The following CTBS variants were observed in gnomAD, a reference collection of about 807,000 sequenced individuals.
CTBS encodes the protein di-N-acetylchitobiase.
A neutral mutation model predicts 44.3 loss-of-function variants in CTBS; 35 were observed. That is an observed-to-expected ratio of 0.79 (90% CI 0.60 to 1.05). CTBS has a LOEUF of 1.05. Among genes scored for constraint, CTBS ranks in the 50% least tolerant of loss-of-function variants. The probability of loss-of-function intolerance (pLI) is 0.00; values close to 1 mark genes in which losing one functional copy is unlikely to be tolerated. For missense variants in CTBS, 458 were observed against 475.3 expected, an observed-to-expected ratio of 0.96 and a Z score of 0.34; for synonymous variants, 143 against 168.0, an observed-to-expected ratio of 0.85 and a Z score of 1.15.
In CTBS at chr1:84,553,099, T is replaced by A. The variant is rs989668246; in HGVS notation, c.*1900A>T. 4.6e-6 allele frequency: 7 copies of A among 1,505,844 alleles called. No homozygotes were observed. The African/African-American group carries it at 5.6e-5, about 12-fold the overall frequency. 93.3% of individuals were successfully genotyped at this position (1,505,844 alleles called of 1,614,324 possible). On this transcript the variant is annotated 3_prime_UTR_variant, in exon 7 of 7. Coordinates refer to ENST00000370630, the MANE Select transcript of CTBS (RefSeq NM_004388.3). ...ACTGAACTGGCACAGAAAAAAAAAA[T>A]AATACATCTCTACAATCTCAATTAG... is the stretch of plus-strand genomic sequence containing the variant.
At chr1:84,558,853 ATTG>A (rs1684528549) in intron 6 of CTBS, among the ~76,000 whole-genome samples, 1 of 152,032 alleles carries the variant, frequency 6.6e-6, no homozygotes, top group Admixed American at 6.6e-5. Context: ...GTGAGCCATG[ATTG>A]TGCCACTGCA....
rs1570471799 is a variant in CTBS at position 84,563,619 on chromosome 1, T to A, written c.795+116A>T. On this transcript the variant is annotated intron_variant, in intron 5 of 6. Transcript: ENST00000370630. Reference sequence around the variant, plus strand: ...TTTCATAGAAGTAAAAATAAATAATTTTTATCTCAAACTATATTTCAGAGA... The same window carrying A: ...TTTCATAGAAGTAAAAATAAATAATATTTATCTCAAACTATATTTCAGAGA... The A allele has an allele frequency of 1.0e-5, 7 of 695,344 alleles. No homozygotes were observed. In the East Asian group the frequency reaches 2.3e-4, roughly 23 times the overall value. The allele number at this position is 695,344 out of a possible 1,614,324, so 43.1% of individuals were successfully genotyped here.
In CTBS at chr1:84,551,887, C is replaced by T. The variant is rs1377452886; in HGVS notation, c.*3112G>A. On this transcript the variant is annotated 3_prime_UTR_variant, in exon 7 of 7. Coordinates refer to ENST00000370630, the MANE Select transcript of CTBS (RefSeq NM_004388.3). The stretch of plus-strand genomic sequence containing the variant: ...GCCCCCAGAGGCTTGGATTATGACT[C>T]CCCTCATGCTGTTTTCTTCTGGAAA... The T allele has an allele frequency of 6.6e-6, 1 of 152,028 alleles. No individual in the cohort carries two copies. Among genetic ancestry groups the T allele is most frequent in the Admixed American group, 6.6e-5 (1 of 15,238 alleles). 9.4% of individuals were successfully genotyped at this position (152,028 alleles called of 1,614,324 possible).
At chr1:84,561,487 T>C (rs1684593301) in intron 6 of CTBS, among the ~76,000 whole-genome samples, 1 of 152,238 alleles carries the variant, frequency 6.6e-6, no homozygotes, top group Admixed American at 6.5e-5. Context: ...GCAAAGGATT[T>C]AGAATATTCT....
intron 4 of CTBS, 114 bp downstream of exon 4, chr1:84,565,727 C>A (rs1290311532): frequency 7.8e-6 from 4 of 510,288 alleles, no homozygotes; most frequent in Non-Finnish European, 1.2e-5. Context: ...TTGAAGCAAG[C>A]CTTACAATTG....
chr1:84,560,167 C>T (rs972240545), intron 6 of CTBS, among the ~76,000 whole-genome samples: 6 of 151,630 alleles, frequency 4.0e-5, no homozygotes, highest in Non-Finnish European at 7.4e-5. Flanking sequence ...TAGAATCCCT[C>T]TTCCCTAAAA....
At chr1:84,569,680 C>A (rs1221202727) in intron 3 of CTBS, among the ~76,000 whole-genome samples, 1 of 152,178 alleles carries the variant, frequency 6.6e-6, no homozygotes, top group Non-Finnish European at 1.5e-5. Context: ...CCTAACACTT[C>A]TAACTGTGCT....
In CTBS at chr1:84,552,879, C is replaced by T. The variant is rs1006102677; in HGVS notation, c.*2120G>A. 2 of 572,626 alleles carry T rather than the reference C, an allele frequency of 3.5e-6. No individual in the cohort carries two copies. Among genetic ancestry groups the T allele is most frequent in the African/African-American group, 3.9e-5 (2 of 51,812 alleles). The allele number at this position is 572,626 out of a possible 1,614,324, so 35.5% of individuals were successfully genotyped here. On this transcript the variant is annotated 3_prime_UTR_variant, in exon 7 of 7. Coordinates refer to ENST00000370630, the MANE Select transcript of CTBS (RefSeq NM_004388.3). ...TATTAAACAGCATTCATAATCTACA[C>T]ATTTACTGTAGTAATCCAGTGGGAG...
intron 6 of CTBS, among the ~76,000 whole-genome samples, chr1:84,562,604 G>C (rs1406291987): frequency 6.6e-6 from 1 of 152,110 alleles, no homozygotes; most frequent in Non-Finnish European, 1.5e-5. Context: ...AGCTGTGGAA[G>C]AGCCTTTATA....
intron 6 of CTBS, among the ~76,000 whole-genome samples, chr1:84,557,555 A>G (rs997353429): frequency 9.9e-5 from 9 of 90,836 alleles, no homozygotes; most frequent in African/African-American, 8.2e-4. Context: ...AAAAAAAAAG[A>G]AAAAAAAAAA....
At chr1:84,557,300 A>G (rs919761768) in intron 6 of CTBS, among the ~76,000 whole-genome samples, 2 of 152,194 alleles carry the variant, frequency 1.3e-5, no homozygotes, top group African/African-American at 4.8e-5. Context: ...TGGGAGGCCA[A>G]GATGGGTGAA....
In CTBS at chr1:84,558,444, T is replaced by C. The variant is rs544953508; in HGVS notation, c.958-3245A>G. On this transcript the variant is annotated intron_variant, in intron 6 of 6. Coordinates refer to ENST00000370630, the MANE Select transcript of CTBS (RefSeq NM_004388.3). ...AGCTGGGACTACAGGCGCCCGCCAC[T>C]ACGCCCGGCTAATTTTTTTTGTATT... Among the ~76,000 whole-genome samples the C allele has an allele frequency of 1.4e-3, 215 of 151,160 alleles. 3 individuals carry two copies. The East Asian group carries it at 0.02, about 14-fold the overall frequency.
At chr1:84,563,633 A>G (rs1179281285) in intron 5 of CTBS, 102 bp downstream of exon 5, 2 of 746,126 alleles carry the variant, frequency 2.7e-6, no homozygotes, top group East Asian at 3.2e-5. Flanking sequence ...ATCTCAAACT[A>G]TATTTCAGAG....
In CTBS at chr1:84,570,153, A is replaced by G. The variant is rs1208482894; in HGVS notation, c.317-14T>C. 1 of 1,600,530 alleles carries G rather than the reference A, an allele frequency of 6.2e-7. No homozygotes were observed. ...AGGATACATCTCCTGTGGAAGAAGT[A>G]TATATCTTTTGAACATGTATGCAAA... On this transcript the variant is annotated splice_polypyrimidine_tract_variant and intron_variant, in intron 2 of 6. Transcript: ENST00000370630.
At chr1:84,568,410 G>A (rs778028715) in intron 3 of CTBS, among the ~76,000 whole-genome samples, 1 of 152,186 alleles carries the variant, frequency 6.6e-6, no homozygotes, top group Non-Finnish European at 1.5e-5. Context: ...CTCCTGACAA[G>A]TTGAATTCCA....
intron 6 of CTBS, among the ~76,000 whole-genome samples, chr1:84,557,531 C>A (rs1684471826): frequency 2.8e-5 from 2 of 71,242 alleles, no homozygotes; most frequent in Non-Finnish European, 2.5e-5. Flanking sequence ...AAAACTCCAT[C>A]TCAAAAAAAA....
At chr1:84,571,320 C>T (rs1647294037) in intron 1 of CTBS, among the ~76,000 whole-genome samples, 2 of 152,128 alleles carry the variant, frequency 1.3e-5, no homozygotes, top group South Asian at 4.1e-4. Flanking sequence ...TCTGGAAGAT[C>T]CTAAGGAGGC....
At chr1:84,555,455 TG>T in intron 6 of CTBS, among the ~76,000 whole-genome samples, 1 of 152,382 alleles carries the variant, frequency 6.6e-6, no homozygotes, top group South Asian at 2.1e-4. Context: ...GACTTTACGA[TG>T]GATTTATCAG....
At chr1:84,556,775 G>A (rs1311920975) in intron 6 of CTBS, among the ~76,000 whole-genome samples, 1 of 151,168 alleles carries the variant, frequency 6.6e-6, no homozygotes, top group East Asian at 1.9e-4. Context: ...AATACACTGC[G>A]GCATATTTAA....
Sources: gnomAD v4.1 joint callset for allele counts (sites outside exome capture counted in the v4.1 genomes callset) on GRCh38, gnomAD v4.1.1 for gene constraint, MANE v1.5 for transcripts, NCBI Gene and HGNC (gene_info 2026-07-23, HGNC 2026-07-21) for gene names.